Variants in ZNF827 observed in about 807,000 individuals in gnomAD.
ZNF827 encodes the protein zinc finger protein 827.
In ZNF827, 13 loss-of-function variants were observed where a neutral mutation model predicts 102.4. The observed-to-expected ratio is 0.13, with a 90% CI of 0.08 to 0.20. The LOEUF is 0.20. ZNF827 is among the 10% of genes least tolerant of loss of function. The probability of loss-of-function intolerance (pLI) is 1.00; values close to 1 mark genes in which losing one functional copy is unlikely to be tolerated. For synonymous variants in ZNF827, 523 were observed against 536.2 expected, an observed-to-expected ratio of 0.98 and a Z score of 0.34; for missense variants, 1,103 against 1,344.4, an observed-to-expected ratio of 0.82 and a Z score of 2.81.
chr4:145,790,825 A>C (rs562869447), intron 8 of ZNF827, among the ~76,000 whole-genome samples: 1 of 152,358 alleles, frequency 6.6e-6, no homozygotes, highest in African/African-American at 2.4e-5. Context: ...ATTCTGTATT[A>C]ACAGGAAATA....
At chr4:145,785,222 C>G (rs1738677833) in intron 8 of ZNF827, among the ~76,000 whole-genome samples, 1 of 152,120 alleles carries the variant, frequency 6.6e-6, no homozygotes, top group Admixed American at 6.5e-5. Context: ...GAACTGAGGC[C>G]TATCATCCAT....
intron 4 of ZNF827, 137 bp downstream of exon 4, chr4:145,885,541 T>G: frequency 7.8e-7 from 1 of 1,289,890 alleles, no homozygotes. Context: ...CTATCCAAAT[T>G]TAAAGGGACC....
At chr4:145,885,457 C>T (rs1305135419) in intron 4 of ZNF827, among the ~76,000 whole-genome samples, 1 of 151,934 alleles carries the variant, frequency 6.6e-6, no homozygotes, top group Admixed American at 6.6e-5. Flanking sequence ...GTTTTGAGAC[C>T]CAAGCCAAAG....
intron 8 of ZNF827, among the ~76,000 whole-genome samples, chr4:145,818,181 A>C (rs1351999435): frequency 3.3e-5 from 5 of 152,242 alleles, no homozygotes; most frequent in African/African-American, 4.8e-5. Flanking sequence ...AAATGTGGGC[A>C]ACACTGGGAG....
At chr4:145,855,907 A>G (rs1747051078) in intron 5 of ZNF827, among the ~76,000 whole-genome samples, 1 of 152,068 alleles carries the variant, frequency 6.6e-6, no homozygotes, top group Non-Finnish European at 1.5e-5. Context: ...TTAGATGCTG[A>G]ATGTTATTCT....
At position 145,761,154 on chromosome 4, in the gene ZNF827, T is replaced by G. The variant is rs1338696122; in HGVS notation, c.*462A>C. 7 of 1,289,720 alleles carry G rather than the reference T, an allele frequency of 5.4e-6. No individual in the cohort carries two copies. Among genetic ancestry groups the G allele is most frequent in the Non-Finnish European group, 6.1e-6 (6 of 988,858 alleles). The allele number at this position is 1,289,720 out of a possible 1,614,324, so 79.9% of individuals were successfully genotyped here. ...CCGGGCCGGCCGGTTCCTTGGGGGC[T>G]GGACACAGGCCCTTCTTGTCCTCCT... On this transcript the variant is annotated 3_prime_UTR_variant, in exon 15 of 15. Transcript: ENST00000508784. This position sits in a 1 kb window ranked among gnomAD's most constrained non-coding sequence, Gnocchi z 6.8.
rs532406389 is a variant in ZNF827 at position 145,786,318 on chromosome 4, T to C, written c.2384-6807A>G. Among the ~76,000 whole-genome samples the C allele has an allele frequency of 8.6e-4, 131 of 152,326 alleles. 1 individual carries two copies. Among genetic ancestry groups the C allele is most frequent in the Non-Finnish European group, 1.6e-3 (108 of 68,030 alleles). On this transcript the variant is annotated intron_variant, in intron 8 of 14. Coordinates refer to ENST00000508784, the MANE Select transcript of ZNF827 (RefSeq NM_001306215.2). ...CCTCTCAAAGAACCATCTCTCAACC[T>C]GATTTTGGTAAAAGAAATGCTAAGA...
chr4:145,878,254 A>G (rs1046409020), intron 4 of ZNF827, among the ~76,000 whole-genome samples: 2 of 152,168 alleles, frequency 1.3e-5, no homozygotes, highest in African/African-American at 4.8e-5. Context: ...GCTCCTCCCA[A>G]GAGGAGGAAA....
At position 145,799,807 on chromosome 4, in the gene ZNF827, A is replaced by C. The variant is rs552007221; in HGVS notation, c.2384-20296T>G. Among the ~76,000 whole-genome samples, 5 of 152,294 alleles carry C rather than the reference A, an allele frequency of 3.3e-5. 1 individual carries two copies. Among genetic ancestry groups the C allele is most frequent in the South Asian group, 4.1e-4 (2 of 4,832 alleles). On this transcript the variant is annotated intron_variant, in intron 8 of 14. Transcript: ENST00000508784. ...GCCCTCGACTTCCTTCCTGCTCTTT[A>C]GGATGTGGATGTGATGGTGGGAGTA...
At chr4:145,915,609 C>T (rs1015985121) in intron 1 of ZNF827, among the ~76,000 whole-genome samples, 9 of 152,176 alleles carry the variant, frequency 5.9e-5, no homozygotes, top group Non-Finnish European at 1.0e-4. Flanking sequence ...TTCTGGGGGA[C>T]ACACTCAAAC....
intron 13 of ZNF827, chr4:145,764,662 C>T (rs1291288902): frequency 3.0e-6 from 1 of 328,076 alleles, no homozygotes; most frequent in Non-Finnish European, 5.7e-6. Flanking sequence ...GACACTAAGC[C>T]CTGAGTCCAT....
intron 4 of ZNF827, among the ~76,000 whole-genome samples, chr4:145,882,146 A>G (rs936557492): frequency 1.3e-5 from 2 of 152,024 alleles, no homozygotes; most frequent in Non-Finnish European, 2.9e-5. Context: ...TCGGGTGAAC[A>G]CCTTTTCCCT....
At chr4:145,870,162 A>T in intron 5 of ZNF827, 83 bp downstream of exon 5, 1 of 1,321,068 alleles carries the variant, frequency 7.6e-7, no homozygotes, top group Non-Finnish European at 1.1e-6. Context: ...CCATTGGGTT[A>T]ATTATAACCC....
intron 8 of ZNF827, among the ~76,000 whole-genome samples, chr4:145,803,092 T>C (rs1377138622): frequency 6.6e-6 from 1 of 152,170 alleles, no homozygotes; most frequent in Non-Finnish European, 1.5e-5. Flanking sequence ...CTATCTGTCA[T>C]CACTTATCTA....
chr4:145,936,127 A>G (rs1390506487), intron 1 of ZNF827, among the ~76,000 whole-genome samples: 4 of 152,124 alleles, frequency 2.6e-5, no homozygotes, highest in African/African-American at 9.7e-5. Flanking sequence ...TTGTCCAAGC[A>G]CGGCAGACCT....
At chr4:145,864,554 A>G (rs374719351) in intron 5 of ZNF827, among the ~76,000 whole-genome samples, 134 of 152,064 alleles carry the variant, frequency 8.8e-4, no homozygotes, top group Middle Eastern at 3.4e-3. Flanking sequence ...TGATCACACC[A>G]TTGCACTCCA....
intron 7 of ZNF827, among the ~76,000 whole-genome samples, chr4:145,841,684 T>A (rs891116647): frequency 6.6e-6 from 1 of 152,154 alleles, no homozygotes; most frequent in Non-Finnish European, 1.5e-5. Flanking sequence ...GCATTTACGG[T>A]GAAGTTGCAT....
At chr4:145,906,438 T>G (rs1475400236) in intron 1 of ZNF827, among the ~76,000 whole-genome samples, 1 of 152,200 alleles carries the variant, frequency 6.6e-6, no homozygotes, top group Non-Finnish European at 1.5e-5. Flanking sequence ...TTGGAGTCGG[T>G]CAAAAGGAGA....
chr4:145,825,122 C>T (rs554910610), intron 7 of ZNF827, among the ~76,000 whole-genome samples: 9 of 152,298 alleles, frequency 5.9e-5, no homozygotes, highest in African/African-American at 1.7e-4. Flanking sequence ...TGGCTAAGGC[C>T]GTGAAGGAGG....
Sources: gnomAD v4.1 joint callset for allele counts (sites outside exome capture counted in the v4.1 genomes callset) on GRCh38, gnomAD v4.1.1 for gene constraint, Gnocchi (gnomAD v3.1) non-coding constraint, MANE v1.5 for transcripts, NCBI Gene and HGNC (gene_info 2026-07-23, HGNC 2026-07-21) for gene names.